NCAM2: variants seen among roughly 807,000 people sequenced by gnomAD.
NCAM2 encodes neural cell adhesion molecule 2, also known as N-CAM-2.
A neutral mutation model predicts 98.1 loss-of-function variants in NCAM2; 30 were observed. That is an observed-to-expected ratio of 0.31 (90% CI 0.23 to 0.41). The LOEUF (loss-of-function observed/expected upper bound fraction) is 0.41. NCAM2 is among the 10% of genes least tolerant of loss of function. The pLI is 1.00. For missense variants in NCAM2, 867 were observed against 1,005.8 expected (o/e 0.86, Z 1.87); for synonymous variants, 368 against 342.4 (o/e 1.07, Z -0.83).
chr21:21,066,246 T>C (rs1045958861), intron 1 of NCAM2, among the ~76,000 whole-genome samples: 6 of 152,172 alleles, frequency 3.9e-5, no homozygotes, highest in Non-Finnish European at 8.8e-5. Context: ...TGGTCAGAGT[T>C]TCGTCTTTGA....
At chr21:21,118,153 A>C (rs535018131) in intron 1 of NCAM2, among the ~76,000 whole-genome samples, 9 of 152,186 alleles carry the variant, frequency 5.9e-5, no homozygotes, top group Non-Finnish European at 1.2e-4. Context: ...ATGTTCTTCT[A>C]ATGAAGTTAT....
At chr21:21,373,415 G>C (rs1192594922) in intron 8 of NCAM2, among the ~76,000 whole-genome samples, 2 of 151,776 alleles carry the variant, frequency 1.3e-5, no homozygotes, top group Non-Finnish European at 2.9e-5. Context: ...TGTAAATATA[G>C]AGAGAAAAAA....
At chr21:21,012,715 A>G (rs2064232886) in intron 1 of NCAM2, among the ~76,000 whole-genome samples, 1 of 151,874 alleles carries the variant, frequency 6.6e-6, no homozygotes, top group African/African-American at 2.4e-5. Context: ...CATTTTTTTT[A>G]CAACTCGAAT....
chr21:21,009,773 G>C (rs1158685389), intron 1 of NCAM2, among the ~76,000 whole-genome samples: 1 of 151,900 alleles, frequency 6.6e-6, no homozygotes, highest in Non-Finnish European at 1.5e-5. Context: ...TAAGAGAAGT[G>C]AGAAAATACT....
chr21:21,520,228 T>C (rs1569135424), intron 16 of NCAM2, among the ~76,000 whole-genome samples: 1 of 152,172 alleles, frequency 6.6e-6, no homozygotes, highest in African/African-American at 2.4e-5. Context: ...AGCAGACTCA[T>C]TCCTTTCTAT....
intron 1 of NCAM2, among the ~76,000 whole-genome samples, chr21:21,109,490 T>C (rs1410720600): frequency 6.6e-6 from 1 of 152,160 alleles, no homozygotes; most frequent in Non-Finnish European, 1.5e-5. Context: ...TTGCAATAGC[T>C]CTTTTTTCTA....
intron 12 of NCAM2, among the ~76,000 whole-genome samples, chr21:21,445,627 G>C (rs754105021): frequency 4.0e-5 from 6 of 151,850 alleles, no homozygotes; most frequent in African/African-American, 1.5e-4. Flanking sequence ...TTGGTTTAAA[G>C]TGTGTTTCAT....
At chr21:21,460,814 TTA>T (rs1450955963) in intron 12 of NCAM2, among the ~76,000 whole-genome samples, 1 of 151,578 alleles carries the variant, frequency 6.6e-6, no homozygotes, top group African/African-American at 2.4e-5. Flanking sequence ...CTGAGAAAAA[TTA>T]TATAGAGATG....
intron 1 of NCAM2, among the ~76,000 whole-genome samples, chr21:21,191,899 G>A (rs1357292733): frequency 6.6e-6 from 1 of 152,096 alleles, no homozygotes; most frequent in Non-Finnish European, 1.5e-5. Flanking sequence ...GATCACCTAA[G>A]CAAAATAGAG....
intron 1 of NCAM2, among the ~76,000 whole-genome samples, chr21:21,217,433 TCTCAGATTTA>T (rs1003103227): frequency 6.6e-6 from 1 of 152,156 alleles, no homozygotes; most frequent in Non-Finnish European, 1.5e-5. Context: ...CATTTTTATT[TCTCAGATTTA>T]CTTAATTATG....
At chr21:21,355,708 C>T (rs1010965593) in intron 8 of NCAM2, among the ~76,000 whole-genome samples, 5 of 151,648 alleles carry the variant, frequency 3.3e-5, no homozygotes, top group Non-Finnish European at 7.4e-5. Flanking sequence ...CTCTGCCTCC[C>T]GAGTTCAAAT....
chr21:21,302,412 C>G (rs2073747845), intron 5 of NCAM2, among the ~76,000 whole-genome samples: 1 of 151,996 alleles, frequency 6.6e-6, no homozygotes, highest in South Asian at 2.1e-4. Flanking sequence ...CTTGTTGAAG[C>G]TGAAATGATT....
intron 1 of NCAM2, among the ~76,000 whole-genome samples, chr21:21,080,434 T>C (rs2065769096): frequency 1.3e-5 from 2 of 151,860 alleles, no homozygotes; most frequent in African/African-American, 4.8e-5. Flanking sequence ...CTGACCAACA[T>C]GGAGAAACCC....
chr21:21,275,164 G>C (rs2072677439), intron 1 of NCAM2, among the ~76,000 whole-genome samples: 1 of 152,042 alleles, frequency 6.6e-6, no homozygotes, highest in Admixed American at 6.5e-5. Flanking sequence ...ATTTGGACCG[G>C]GCGCGGTGGC....
intron 1 of NCAM2, among the ~76,000 whole-genome samples, chr21:21,047,929 G>C (rs978109187): frequency 2.0e-5 from 3 of 152,090 alleles, no homozygotes; most frequent in African/African-American, 7.2e-5. Flanking sequence ...TTTCCAATCT[G>C]ACTCTGGTAT....
chr21:21,397,038 G>A (rs745602232), intron 9 of NCAM2, among the ~76,000 whole-genome samples: 1 of 152,174 alleles, frequency 6.6e-6, no homozygotes, highest in Non-Finnish European at 1.5e-5. Flanking sequence ...TTAGCAAGGA[G>A]GAAAGCAGTT....
chr21:21,468,011 T>C (rs981524321), intron 13 of NCAM2, among the ~76,000 whole-genome samples: 11 of 152,030 alleles, frequency 7.2e-5, no homozygotes, highest in Admixed American at 7.2e-4. Flanking sequence ...TCTTGCACTT[T>C]GGTAGATCCC....
chr21:21,135,894 C>T (rs2067039898), intron 1 of NCAM2, among the ~76,000 whole-genome samples: 1 of 152,064 alleles, frequency 6.6e-6, no homozygotes, highest in Non-Finnish European at 1.5e-5. Context: ...CTAGGAGTTT[C>T]CTTGCCTTAA....
intron 15 of NCAM2, among the ~76,000 whole-genome samples, chr21:21,480,329 T>C (rs990790225): frequency 7.5e-6 from 1 of 133,694 alleles, no homozygotes; most frequent in Non-Finnish European, 1.5e-5. Flanking sequence ...ATGGCGCCAC[T>C]GCACTCCAGC....
Sources: allele counts gnomAD v4.1 joint callset (sites outside exome capture counted in the v4.1 genomes callset), GRCh38; gene constraint gnomAD v4.1.1; transcripts MANE v1.5; gene names NCBI Gene and HGNC (gene_info 2026-07-23, HGNC 2026-07-21).